CDH18: variants seen among roughly 807,000 people sequenced by gnomAD.
CDH18 encodes the protein cadherin 18, also known as cadherin-18.
A neutral mutation model predicts 67.9 loss-of-function variants in CDH18; 31 were observed. The ratio of observed to expected loss-of-function variants is 0.46; its 90% confidence interval spans 0.34 to 0.62. The LOEUF is 0.62. Among genes scored for constraint, CDH18 ranks in the 20% least tolerant of loss-of-function variants. CDH18 has a pLI of 0.01. For synonymous variants in CDH18, 362 were observed against 347.2 expected (o/e 1.04, Z -0.48); for missense variants, 890 against 975.5 (o/e 0.91, Z 1.17).
intron 3 of CDH18, among the ~76,000 whole-genome samples, chr5:19,749,521 T>TA (rs1770558666): frequency 6.6e-6 from 1 of 151,250 alleles, no homozygotes; most frequent in Admixed American, 6.6e-5. Flanking sequence ...TGATGTCACT[T>TA]AGTTTTTTTA....
At chr5:20,021,119 A>T (rs1482409396) in intron 2 of CDH18, among the ~76,000 whole-genome samples, 4 of 151,974 alleles carry the variant, frequency 2.6e-5, no homozygotes, top group Non-Finnish European at 5.9e-5. Flanking sequence ...TGGGAATTGC[A>T]TGGGGGCTTG....
chr5:20,052,263 C>T (rs988536695), intron 2 of CDH18, among the ~76,000 whole-genome samples: 2 of 151,916 alleles, frequency 1.3e-5, no homozygotes, highest in African/African-American at 2.4e-5. Flanking sequence ...ATGTCAGGAC[C>T]GTAGTGCAGG....
chr5:19,544,713 G>A (rs1369740768), intron 8 of CDH18, among the ~76,000 whole-genome samples: 1 of 152,128 alleles, frequency 6.6e-6, no homozygotes, highest in Non-Finnish European at 1.5e-5. Flanking sequence ...GGTTTCATGA[G>A]ACTTTGTATG....
At chr5:19,947,762 C>CA (rs77462775) in intron 2 of CDH18, among the ~76,000 whole-genome samples, 7 of 147,808 alleles carry the variant, frequency 4.7e-5, no homozygotes, top group South Asian at 2.1e-4. Context: ...GAGTCCATCT[C>CA]AAAAAAAAAA....
At chr5:19,897,669 A>G (rs1579483127) in intron 2 of CDH18, among the ~76,000 whole-genome samples, 1 of 152,104 alleles carries the variant, frequency 6.6e-6, no homozygotes, top group African/African-American at 2.4e-5. Flanking sequence ...AAAAAAGCCA[A>G]ATGTTCATCA....
chr5:20,164,518 G>A (rs563314246), intron 2 of CDH18, among the ~76,000 whole-genome samples: 1 of 103,954 alleles, frequency 9.6e-6, no homozygotes, highest in East Asian at 3.0e-4. Context: ...CAGGTGATCC[G>A]TCCAGGTCGG....
At chr5:20,292,058 T>C (rs2063231) in intron 1 of CDH18, among the ~76,000 whole-genome samples, 18,640 of 152,194 alleles carry the variant, frequency 0.12, 1,702 homozygotes, top group African/African-American at 0.25. Flanking sequence ...CCTCCTCGGC[T>C]GAGCACACCT....
chr5:19,502,054 C>T (rs1743342276), intron 11 of CDH18, among the ~76,000 whole-genome samples: 1 of 152,108 alleles, frequency 6.6e-6, no homozygotes, highest in African/African-American at 2.4e-5. Context: ...CATTTTGATA[C>T]TTTGTTATAT....
At chr5:19,871,925 T>C (rs1038569416) in intron 2 of CDH18, among the ~76,000 whole-genome samples, 4 of 152,202 alleles carry the variant, frequency 2.6e-5, no homozygotes, top group African/African-American at 9.6e-5. Flanking sequence ...AATAACACTA[T>C]ACTTTATGCC....
intron 6 of CDH18, among the ~76,000 whole-genome samples, chr5:19,611,774 T>C (rs942391624): frequency 1.3e-5 from 2 of 152,142 alleles, no homozygotes; most frequent in Non-Finnish European, 2.9e-5. Flanking sequence ...ATTATAATTA[T>C]ATCCTTTACA....
chr5:19,676,588 G>A (rs909288137), intron 5 of CDH18, among the ~76,000 whole-genome samples: 1 of 151,920 alleles, frequency 6.6e-6, no homozygotes, highest in Non-Finnish European at 1.5e-5. Context: ...TAGCAAAAAG[G>A]GCTTCCAATA....
chr5:20,080,799 A>G (rs2150542224), intron 2 of CDH18, among the ~76,000 whole-genome samples: 1 of 152,280 alleles, frequency 6.6e-6, no homozygotes, highest in Non-Finnish European at 1.5e-5. Flanking sequence ...CTAGTTGTAT[A>G]TAAATGAATG....
chr5:20,552,997 C>T (rs1425887761), intron 1 of CDH18, among the ~76,000 whole-genome samples: 1 of 152,124 alleles, frequency 6.6e-6, no homozygotes, highest in African/African-American at 2.4e-5. Context: ...TCGTGATACG[C>T]CCGCCTGGGC....
chr5:19,966,440 G>A (rs903441784), intron 2 of CDH18, among the ~76,000 whole-genome samples: 1 of 152,036 alleles, frequency 6.6e-6, no homozygotes, highest in African/African-American at 2.4e-5. Flanking sequence ...TGTTATATCA[G>A]CTATCCACAT....
At chr5:20,548,439 T>TTG (rs70954668) in intron 1 of CDH18, among the ~76,000 whole-genome samples, 2,381 of 146,796 alleles carry the variant, frequency 0.016, 27 homozygotes, top group Middle Eastern at 0.043. Flanking sequence ...GAGAACATGT[T>TTG]TGTGTGTGTG....
rs115527062 is a variant in CDH18, at chr5:19,622,519, G to T, written c.644-9918C>A. Among the ~76,000 whole-genome samples, 1,060 of 152,284 alleles carry T rather than the reference G, an allele frequency of 7.0e-3. 13 individuals are homozygous for T. Among genetic ancestry groups the T allele is most frequent in the African/African-American group, 0.024 (1,003 of 41,562 alleles). Reference sequence around the variant, plus strand: ...GTCTATTTGCCTTCTCCTTAAATTTGTGCTGGCCTGTGACTGCTTTAATCA... The same window carrying T: ...GTCTATTTGCCTTCTCCTTAAATTTTTGCTGGCCTGTGACTGCTTTAATCA... On this transcript the variant is annotated intron_variant, in intron 5 of 12. Coordinates refer to ENST00000382275, the MANE Select transcript of CDH18 (RefSeq NM_004934.5).
At chr5:20,389,772 A>G (rs1403207941) in intron 1 of CDH18, among the ~76,000 whole-genome samples, 1 of 152,178 alleles carries the variant, frequency 6.6e-6, no homozygotes, top group Admixed American at 6.6e-5. Flanking sequence ...ACAGCATGGT[A>G]CTGGTACCAA....
chr5:20,375,368 C>A (rs745958680), intron 1 of CDH18, among the ~76,000 whole-genome samples: 12 of 152,112 alleles, frequency 7.9e-5, no homozygotes, highest in Non-Finnish European at 1.8e-4. Flanking sequence ...TGGGATGAAA[C>A]ATGTAATAGA....
intron 2 of CDH18, among the ~76,000 whole-genome samples, chr5:19,855,202 C>T (rs929998056): frequency 6.6e-6 from 1 of 152,076 alleles, no homozygotes; most frequent in African/African-American, 2.4e-5. Flanking sequence ...TCTTGTTCCC[C>T]TGCTCTTCTG....
Sources: gnomAD v4.1 joint callset for allele counts (sites outside exome capture counted in the v4.1 genomes callset) on GRCh38, gnomAD v4.1.1 for gene constraint, MANE v1.5 for transcripts, NCBI Gene and HGNC (gene_info 2026-07-23, HGNC 2026-07-21) for gene names.